The following KCND2 variants were observed in gnomAD, a reference collection of about 807,000 sequenced individuals.
KCND2 encodes the protein A-type voltage-gated potassium channel KCND2.
In KCND2, 16 loss-of-function variants were observed where a neutral mutation model predicts 54.4. The ratio of observed to expected loss-of-function variants is 0.29; its 90% CI spans 0.20 to 0.45. The LOEUF (loss-of-function observed/expected upper bound fraction) is 0.45, where lower values mean the gene tolerates loss of function less well. Ranked by LOEUF, KCND2 falls within the 20% of genes least tolerant of loss-of-function variation. The probability of loss-of-function intolerance (pLI) is 1.00; values close to 1 mark genes in which losing one functional copy is unlikely to be tolerated. For missense variants in KCND2, 486 were observed against 824.2 expected (o/e 0.59, Z 5.02); for synonymous variants, 317 against 310.7 (o/e 1.02, Z -0.21).
intron 1 of KCND2, among the ~76,000 whole-genome samples, chr7:120,382,541 C>T (rs1800929596): frequency 6.6e-6 from 1 of 151,676 alleles, no homozygotes; most frequent in Non-Finnish European, 1.5e-5. Flanking sequence ...TACTTTAGAG[C>T]AGAACAGGAT....
chr7:120,349,358 G>A (rs1393189936), intron 1 of KCND2, among the ~76,000 whole-genome samples: 11 of 142,866 alleles, frequency 7.7e-5, no homozygotes, highest in South Asian at 2.4e-4. Flanking sequence ...ACAGACACAC[G>A]AGGATGCTTT....
intron 1 of KCND2, among the ~76,000 whole-genome samples, chr7:120,689,251 C>T (rs1295133240): frequency 6.6e-6 from 1 of 152,132 alleles, no homozygotes; most frequent in Admixed American, 6.5e-5. Flanking sequence ...AAATATTCCA[C>T]AAGCACAATA....
intron 1 of KCND2, among the ~76,000 whole-genome samples, chr7:120,709,209 G>C (rs192378221): frequency 6.6e-6 from 1 of 152,010 alleles, no homozygotes; most frequent in Non-Finnish European, 1.5e-5. Flanking sequence ...CTCTTGACTT[G>C]TGATATTTTT....
chr7:120,390,123 T>C (rs1437151064), intron 1 of KCND2, among the ~76,000 whole-genome samples: 1 of 151,902 alleles, frequency 6.6e-6, no homozygotes, highest in Admixed American at 6.6e-5. Flanking sequence ...TCCATAAATA[T>C]AGTATGTCCT....
chr7:120,528,791 C>T (rs1791808484), intron 1 of KCND2, among the ~76,000 whole-genome samples: 1 of 152,084 alleles, frequency 6.6e-6, no homozygotes, highest in African/African-American at 2.4e-5. Context: ...TTCCATTTAC[C>T]ACTTTCTCAA....
At chr7:120,517,168 C>T (rs753792478) in intron 1 of KCND2, among the ~76,000 whole-genome samples, 2 of 151,816 alleles carry the variant, frequency 1.3e-5, no homozygotes, top group Non-Finnish European at 2.9e-5. Flanking sequence ...TTCCATTTAC[C>T]AAAATTGGAT....
chr7:120,558,391 G>A lies in KCND2; in HGVS notation c.1116-174512G>A, dbSNP rs558997629. Among the ~76,000 whole-genome samples, 74 of 152,262 alleles carry A rather than the reference G, an allele frequency of 4.9e-4. 1 individual carries two copies. Among genetic ancestry groups the A allele is most frequent in the African/African-American group, 1.8e-3 (73 of 41,578 alleles). On this transcript the variant is annotated intron_variant, in intron 1 of 5. Coordinates refer to ENST00000331113, the MANE Select transcript of KCND2 (RefSeq NM_012281.3). ...ACCCTTAAATTATAGCATTCTTGGT[G>A]TTATCAGAAGCTCCAGAAACCTATT...
At chr7:120,705,085 T>G (rs184801191) in intron 1 of KCND2, among the ~76,000 whole-genome samples, 119 of 152,264 alleles carry the variant, frequency 7.8e-4, no homozygotes, top group African/African-American at 2.8e-3. Flanking sequence ...AAGCAAATAG[T>G]TTTTAATTCA....
At chr7:120,706,714 A>G (rs1294142817) in intron 1 of KCND2, among the ~76,000 whole-genome samples, 3 of 152,190 alleles carry the variant, frequency 2.0e-5, no homozygotes, top group Admixed American at 2.0e-4. Context: ...AACAAATTAC[A>G]CATTTTAAGA....
intron 1 of KCND2, among the ~76,000 whole-genome samples, chr7:120,403,817 G>A (rs1378914867): frequency 6.6e-6 from 1 of 151,822 alleles, no homozygotes; most frequent in African/African-American, 2.4e-5. Context: ...TATAAACAAT[G>A]ACTGTTTTTT....
chr7:120,448,624 A>G (rs1802054229), intron 1 of KCND2, among the ~76,000 whole-genome samples: 1 of 152,180 alleles, frequency 6.6e-6, no homozygotes, highest in African/African-American at 2.4e-5. Flanking sequence ...ATAAAAAAAA[A>G]AGAGAATTTT....
intron 1 of KCND2, among the ~76,000 whole-genome samples, chr7:120,478,748 G>A (rs578197283): frequency 1.3e-5 from 2 of 152,210 alleles, no homozygotes; most frequent in African/African-American, 2.4e-5. Flanking sequence ...TTACTGGCCT[G>A]TAGCTATAAT....
intron 1 of KCND2, among the ~76,000 whole-genome samples, chr7:120,382,559 G>A (rs749180283): frequency 6.6e-6 from 1 of 151,776 alleles, no homozygotes; most frequent in Non-Finnish European, 1.5e-5. Context: ...GATGTCTGCT[G>A]TATTACTCTT....
chr7:120,352,208 T>C (rs1002509158), intron 1 of KCND2, among the ~76,000 whole-genome samples: 2 of 152,036 alleles, frequency 1.3e-5, no homozygotes, highest in African/African-American at 4.8e-5. Context: ...AGTGCTGGGA[T>C]TACAGGCATG....
chr7:120,316,918 C>A (rs1799820634), intron 1 of KCND2, among the ~76,000 whole-genome samples: 1 of 151,960 alleles, frequency 6.6e-6, no homozygotes, highest in African/African-American at 2.4e-5. Context: ...TCACAGCAAC[C>A]TCTGCCTCCC....
intron 1 of KCND2, among the ~76,000 whole-genome samples, chr7:120,430,568 C>G (rs1293555836): frequency 6.6e-6 from 1 of 151,912 alleles, no homozygotes; most frequent in Non-Finnish European, 1.5e-5. Context: ...AAAAAAAAAT[C>G]TGATTATAGA....
chr7:120,603,551 G>T (rs1792841409), intron 1 of KCND2, among the ~76,000 whole-genome samples: 3 of 152,162 alleles, frequency 2.0e-5, no homozygotes, highest in Admixed American at 2.0e-4. Context: ...GTAATCCAGG[G>T]AGAAGTAGCA....
At chr7:120,699,786 T>C (rs1308910857) in intron 1 of KCND2, among the ~76,000 whole-genome samples, 1 of 152,212 alleles carries the variant, frequency 6.6e-6, no homozygotes, top group Admixed American at 6.5e-5. Context: ...AGTTCAGTCT[T>C]AGATTGGTAG....
intron 1 of KCND2, among the ~76,000 whole-genome samples, chr7:120,457,382 G>A (rs1802215301): frequency 6.6e-6 from 1 of 152,050 alleles, no homozygotes; most frequent in Non-Finnish European, 1.5e-5. Flanking sequence ...TTCATGCTCT[G>A]CTCCCTCTTG....
Sources: gnomAD v4.1 joint callset for allele counts (sites outside exome capture counted in the v4.1 genomes callset) on GRCh38, gnomAD v4.1.1 for gene constraint, MANE v1.5 for transcripts, NCBI Gene and HGNC (gene_info 2026-07-23, HGNC 2026-07-21) for gene names.